Variants in MAGI3 observed in about 807,000 individuals in gnomAD.
MAGI3 encodes membrane associated guanylate kinase, WW and PDZ domain containing 3.
In MAGI3, 43 loss-of-function variants were observed where a neutral mutation model predicts 121.8. That is an observed-to-expected ratio of 0.35 (90% confidence interval 0.28 to 0.46). The LOEUF (loss-of-function observed/expected upper bound fraction) is 0.46. Among genes scored for constraint, MAGI3 ranks in the 20% least tolerant of loss-of-function variants. The pLI, the probability that MAGI3 is intolerant of heterozygous loss-of-function variation, is 1.00. For synonymous variants in MAGI3, 553 were observed against 639.3 expected, an observed-to-expected ratio of 0.86 and a Z score of 2.04; for missense variants, 1,547 against 1,797.3, an observed-to-expected ratio of 0.86 and a Z score of 2.52.
chr1:113,639,194 G>A (rs1017673457), intron 9 of MAGI3, among the ~76,000 whole-genome samples: 1 of 152,226 alleles, frequency 6.6e-6, no homozygotes, highest in Non-Finnish European at 1.5e-5. Context: ...CCCGAGTGAG[G>A]CAATGCCTCG....
At chr1:113,447,998 A>G (rs555891518) in intron 1 of MAGI3, among the ~76,000 whole-genome samples, 17 of 152,214 alleles carry the variant, frequency 1.1e-4, no homozygotes, top group Non-Finnish European at 2.5e-4. Context: ...AGCTGAAGCT[A>G]TGATAGGAAT....
intron 1 of MAGI3, among the ~76,000 whole-genome samples, chr1:113,522,137 T>C (rs777545294): frequency 2.0e-5 from 3 of 152,230 alleles, no homozygotes; most frequent in African/African-American, 4.8e-5. Flanking sequence ...AGACAGGGTC[T>C]CACTCTGTCA....
intron 1 of MAGI3, among the ~76,000 whole-genome samples, chr1:113,503,048 T>C (rs1198689766): frequency 1.6e-4 from 9 of 56,710 alleles, no homozygotes; most frequent in African/African-American, 8.1e-4. Flanking sequence ...AAGGGGAATA[T>C]CACACTCTGG....
chr1:113,551,769 T>G (rs967164815), intron 2 of MAGI3, among the ~76,000 whole-genome samples: 2 of 152,196 alleles, frequency 1.3e-5, no homozygotes, highest in Admixed American at 1.3e-4. Context: ...GCCTTTTGTA[T>G]GAAAAGCTTT....
intron 2 of MAGI3, among the ~76,000 whole-genome samples, chr1:113,565,674 A>C (rs915423557): frequency 2.0e-5 from 3 of 152,224 alleles, no homozygotes; most frequent in African/African-American, 7.2e-5. Context: ...TTAGCCTCCA[A>C]ACTTGTTATT....
intron 15 of MAGI3, among the ~76,000 whole-genome samples, chr1:113,655,261 C>G (rs1270378051): frequency 6.6e-6 from 1 of 152,082 alleles, no homozygotes; most frequent in African/African-American, 2.4e-5. Context: ...TCGTAACATA[C>G]AATAACACCA....
chr1:113,487,792 T>G lies in MAGI3; in HGVS notation c.317-61723T>G, dbSNP rs79331162. Among the ~76,000 whole-genome samples the G allele has an allele frequency of 1.4e-3, 210 of 152,258 alleles. 1 individual carries two copies. The highest frequency in any genetic ancestry group is 4.7e-3 in the African/African-American group (195 of 41,558). ...TTCTATATTGTGTGCATGCTTATAT[T>G]TGATGTTGCATTCTGCTTCAAATTA... On this transcript the variant is annotated intron_variant, in intron 1 of 20. Transcript: ENST00000307546.
At chr1:113,666,747 G>A (rs1654062524) in intron 16 of MAGI3, among the ~76,000 whole-genome samples, 1 of 152,152 alleles carries the variant, frequency 6.6e-6, no homozygotes, top group African/African-American at 2.4e-5. Flanking sequence ...TAGACCCGTA[G>A]AAAAATCACT....
chr1:113,672,851 T>G, intron 18 of MAGI3, 110 bp downstream of exon 18: 1 of 1,368,698 alleles, frequency 7.3e-7, no homozygotes, highest in Non-Finnish European at 9.9e-7. Context: ...CCAAAACTAA[T>G]AATTCTCGAA....
In MAGI3 at chr1:113,639,315, A is replaced by G. The variant is rs945040827; in HGVS notation, c.1361-2596A>G. Among the ~76,000 whole-genome samples the G allele has an allele frequency of 2.6e-5, 4 of 152,220 alleles. No homozygotes were observed. In the South Asian group the frequency reaches 6.2e-4, roughly 24 times the overall value. ...TCAGATGGAAATGCAGAAATCACCC[A>G]TCTTCTGCGTCGCTCACGCTGGGAA... On this transcript the variant is annotated intron_variant, in intron 9 of 20. Coordinates refer to ENST00000307546, the MANE Select transcript of MAGI3 (RefSeq NM_001142782.2).
chr1:113,553,104 G>A (rs1461812986), intron 2 of MAGI3, among the ~76,000 whole-genome samples: 2 of 152,298 alleles, frequency 1.3e-5, no homozygotes, highest in African/African-American at 4.8e-5. Context: ...TTCTATTATT[G>A]TCAGATATTG....
chr1:113,440,897 T>C (rs1050810911), intron 1 of MAGI3, among the ~76,000 whole-genome samples: 5 of 152,192 alleles, frequency 3.3e-5, no homozygotes, highest in African/African-American at 1.2e-4. Flanking sequence ...AGTGCTAACA[T>C]TTTACAAAAT....
chr1:113,505,766 G>C (rs561904698), intron 1 of MAGI3, among the ~76,000 whole-genome samples: 25 of 152,110 alleles, frequency 1.6e-4, no homozygotes, highest in Non-Finnish European at 3.2e-4. Context: ...GAACCTGTCA[G>C]TCAGATAGAA....
At chr1:113,583,514 A>T (rs955232533) in intron 3 of MAGI3, among the ~76,000 whole-genome samples, 2 of 152,094 alleles carry the variant, frequency 1.3e-5, no homozygotes, top group African/African-American at 4.8e-5. Flanking sequence ...TCTCAGTAAG[A>T]TGTGTTTCTA....
rs1315971692 is a variant in MAGI3 at position 113,416,284 on chromosome 1, T to TGTA, written c.316+24935_316+24936insGTA. Among the ~76,000 whole-genome samples the TGTA allele has an allele frequency of 1.6e-3, 44 of 27,866 alleles. 10 individuals are homozygous for TGTA. The highest frequency in any genetic ancestry group is 1.9e-3 in the Non-Finnish European group (33 of 17,776). 18.3% of individuals were successfully genotyped at this position (27,866 alleles called of 152,430 possible). A position where few individuals can be genotyped will look rare whatever the true frequency, so the allele number is the denominator to read the frequency against. On this transcript the variant is annotated intron_variant, in intron 1 of 20. Transcript: ENST00000307546. ...TATTAATTATGTAATTAATTACACA[T>TGTA]ATTAATTATGTAATTAATTATGTAA...
intron 6 of MAGI3, among the ~76,000 whole-genome samples, chr1:113,595,402 G>A (rs963154492): frequency 4.6e-5 from 7 of 152,146 alleles, no homozygotes; most frequent in African/African-American, 1.4e-4. Flanking sequence ...CTTTACCTTA[G>A]GAGATGAATA....
At chr1:113,579,872 A>C (rs1203329285) in intron 2 of MAGI3, among the ~76,000 whole-genome samples, 1 of 151,906 alleles carries the variant, frequency 6.6e-6, no homozygotes, top group Non-Finnish European at 1.5e-5. Flanking sequence ...CTTGTCCTAG[A>C]CTTGCAACCA....
At chr1:113,592,354 A>G (rs1488981409) in intron 5 of MAGI3, among the ~76,000 whole-genome samples, 1 of 152,188 alleles carries the variant, frequency 6.6e-6, no homozygotes, top group African/African-American at 2.4e-5. Flanking sequence ...TTTTGGGAAT[A>G]TCCCCTATGG....
rs141923092 is a variant in MAGI3 at position 113,643,687 on chromosome 1, T to C, written c.1967-56T>C. The stretch of plus-strand genomic sequence containing the variant: ...GTTTTATCGTAAACATTAGCAGTAT[T>C]TGTGATCTGGGAATGCATCCTCTGG... On this transcript the variant is annotated intron_variant, in intron 10 of 20. Coordinates refer to ENST00000307546, the MANE Select transcript of MAGI3 (RefSeq NM_001142782.2). The C allele has an allele frequency of 1.3e-4, 207 of 1,536,480 alleles. No individual in the cohort carries two copies. In the African/African-American group the frequency reaches 2.6e-3, roughly 19 times the overall value.
Sources: gnomAD v4.1 joint callset for allele counts (sites outside exome capture counted in the v4.1 genomes callset) on GRCh38, gnomAD v4.1.1 for gene constraint, MANE v1.5 for transcripts, NCBI Gene and HGNC (gene_info 2026-07-23, HGNC 2026-07-21) for gene names.